CXorf58: variants seen among roughly 807,000 people sequenced by gnomAD.
CXorf58 encodes the protein uncharacterized protein CXorf58.
In CXorf58, 24 loss-of-function variants were observed where a neutral mutation model predicts 26.0. The observed-to-expected ratio is 0.92, with a 90% CI of 0.67 to 1.30. CXorf58 has a LOEUF of 1.30. Among genes scored for constraint, CXorf58 ranks in the 50% most tolerant of loss-of-function variants. The pLI is 0.00. For missense variants in CXorf58, 236 were observed against 263.9 expected, an observed-to-expected ratio of 0.89 and a Z score of 0.73; for synonymous variants, 87 against 86.1, an observed-to-expected ratio of 1.01 and a Z score of -0.06.
Position 23,935,132 on chromosome X carries a change from C to A in CXorf58, c.556-64C>A, listed in dbSNP as rs1928262389. ...CCACCCGCATCAGCCTCCCAAAGTT[C>A]TGGGATTATAGGTATGAGCCACCGC... On this transcript the variant is annotated intron_variant, in intron 6 of 8. Coordinates refer to ENST00000379211, the MANE Select transcript of CXorf58 (RefSeq NM_152761.3). 3 of 877,690 alleles carry A rather than the reference C, an allele frequency of 3.4e-6. No homozygotes were observed. The East Asian group carries it at 9.3e-5, about 27-fold the overall frequency. The allele number at this position is 877,690 out of a possible 1,213,427, so 72.3% of individuals were successfully genotyped here.
chrX:23,939,031 A>G (rs1440230752), intron 8 of CXorf58, among the ~76,000 whole-genome samples: 1 of 111,763 alleles, frequency 8.9e-6, no homozygotes, highest in African/African-American at 3.2e-5. Flanking sequence ...TTTCTATCTA[A>G]ACTTATTAAG....
intron 5 of CXorf58, among the ~76,000 whole-genome samples, chrX:23,919,141 C>G (rs1294339198): frequency 1.8e-5 from 2 of 111,749 alleles, no homozygotes; most frequent in Non-Finnish European, 3.8e-5. Context: ...CTGCTGTTAT[C>G]CCTTTGAATA....
At chrX:23,929,436 A>G (rs1276259749) in intron 6 of CXorf58, among the ~76,000 whole-genome samples, 2 of 105,557 alleles carry the variant, frequency 1.9e-5, no homozygotes, top group Non-Finnish European at 3.9e-5. Flanking sequence ...AAAGAAAAAA[A>G]AAGAAAAACC....
intron 3 of CXorf58, among the ~76,000 whole-genome samples, chrX:23,913,701 TC>T (rs1927643414): frequency 9.1e-6 from 1 of 109,471 alleles, no homozygotes; most frequent in South Asian, 4.0e-4. Flanking sequence ...GGTCAGGAGT[TC>T]GAGACCAGTC....
chrX:23,932,270 T>C (rs999653191), intron 6 of CXorf58, among the ~76,000 whole-genome samples: 13 of 112,320 alleles, frequency 1.2e-4, no homozygotes, highest in African/African-American at 4.2e-4. Context: ...CCAGCATCAC[T>C]TCCACTGGGA....
At chrX:23,925,162 T>A (rs1438988574) in intron 5 of CXorf58, among the ~76,000 whole-genome samples, 1 of 111,765 alleles carries the variant, frequency 8.9e-6, no homozygotes, top group Non-Finnish European at 1.9e-5. Context: ...TTCTTCCTTT[T>A]TCATTTTCTA....
chrX:23,923,164 T>C (rs1238743981), intron 5 of CXorf58, among the ~76,000 whole-genome samples: 1 of 112,061 alleles, frequency 8.9e-6, no homozygotes, highest in Non-Finnish European at 1.9e-5. Flanking sequence ...AGAAAGAACA[T>C]CTTGGCCATT....
At chrX:23,922,023 T>A (rs1216391622) in intron 5 of CXorf58, among the ~76,000 whole-genome samples, 1 of 111,178 alleles carries the variant, frequency 9.0e-6, no homozygotes, top group Non-Finnish European at 1.9e-5. Context: ...TTATGCACAT[T>A]ACTCTATTTA....
At chrX:23,911,687 T>C in intron 2 of CXorf58, 70 bp from the exon 3 acceptor site, 2 of 698,207 alleles carry the variant, frequency 2.9e-6, no homozygotes, top group Non-Finnish European at 4.4e-6. Flanking sequence ...GAAGCATAAA[T>C]TGATAGTTCT....
At chrX:23,910,868 C>T (rs778407493) in intron 2 of CXorf58, among the ~76,000 whole-genome samples, 1 of 102,264 alleles carries the variant, frequency 9.8e-6, no homozygotes, top group African/African-American at 3.7e-5. Flanking sequence ...TGGGTTCAAG[C>T]GATTCTCCTG....
chrX:23,910,159 T>G, intron 1 of CXorf58, 124 bp from the exon 2 acceptor site: 1 of 394,881 alleles, frequency 2.5e-6, no homozygotes, highest in Non-Finnish European at 4.4e-6. Flanking sequence ...CTTTAAGAGA[T>G]CCACAATGCC....
At chrX:23,935,125 C>T in intron 6 of CXorf58, 71 bp from the exon 7 acceptor site, 1 of 836,136 alleles carries the variant, frequency 1.2e-6, no homozygotes. Flanking sequence ...ATCAGCCTCC[C>T]AAAGTTCTGG....
At chrX:23,913,750 CA>C (rs1289032966) in intron 3 of CXorf58, among the ~76,000 whole-genome samples, 1 of 109,300 alleles carries the variant, frequency 9.1e-6, no homozygotes, top group Non-Finnish European at 1.9e-5. Flanking sequence ...ACTAAAAATA[CA>C]AAAAAATTAG....
At chrX:23,912,577 C>G (rs1927612273) in intron 3 of CXorf58, among the ~76,000 whole-genome samples, 1 of 110,856 alleles carries the variant, frequency 9.0e-6, no homozygotes, top group African/African-American at 3.3e-5. Flanking sequence ...AACCCTGTCT[C>G]TACTAAAATA....
At chrX:23,931,643 C>G (rs1275274051) in intron 6 of CXorf58, among the ~76,000 whole-genome samples, 1 of 112,061 alleles carries the variant, frequency 8.9e-6, no homozygotes, top group African/African-American at 3.2e-5. Context: ...TGAAACCATG[C>G]AAAGCAAACT....
At chrX:23,923,873 G>C (rs1927933389) in intron 5 of CXorf58, among the ~76,000 whole-genome samples, 1 of 109,746 alleles carries the variant, frequency 9.1e-6, no homozygotes. Flanking sequence ...TTCGAGACCA[G>C]CCTGGCCAAC....
intron 5 of CXorf58, among the ~76,000 whole-genome samples, chrX:23,925,989 A>T (rs1263065302): frequency 9.3e-6 from 1 of 107,055 alleles, no homozygotes; most frequent in African/African-American, 3.4e-5. Flanking sequence ...GGGTTTCACC[A>T]TGTTGGCCAG....
intron 1 of CXorf58, among the ~76,000 whole-genome samples, chrX:23,909,327 C>T (rs1927506264): frequency 9.0e-6 from 1 of 110,858 alleles, no homozygotes; most frequent in African/African-American, 3.3e-5. Flanking sequence ...GATAACAAGC[C>T]ACAGTAGTAT....
At position 23,925,791 on chromosome X, in the gene CXorf58, T is replaced by C. The variant is rs1272661353; in HGVS notation, c.424-1448T>C. 2.0e-4 allele frequency among the ~76,000 whole-genome samples: 19 copies of C among 93,736 alleles called. No individual in the cohort carries two copies. The East Asian group carries it at 2.9e-3, about 14-fold the overall frequency. The allele number at this position is 93,736 out of a possible 115,157, so 81.4% of individuals were successfully genotyped here. ...ATTTTCTTTTCTTTTCTTTTCTTTT[T>C]TTTTTTTTTTTTTTTGAGACAGAGT... On this transcript the variant is annotated intron_variant, in intron 5 of 8. Transcript: ENST00000379211.
Sources: gnomAD v4.1 joint callset for allele counts (sites outside exome capture counted in the v4.1 genomes callset) on GRCh38, gnomAD v4.1.1 for gene constraint, MANE v1.5 for transcripts, NCBI Gene and HGNC (gene_info 2026-07-23, HGNC 2026-07-21) for gene names.